Variants in ZNF490 observed in about 807,000 individuals in gnomAD.
The protein encoded by ZNF490 is zinc finger protein 490.
A neutral mutation model predicts 17.7 loss-of-function variants in ZNF490; 11 were observed. The ratio of observed to expected loss-of-function variants is 0.62; its 90% CI spans 0.39 to 1.03. The LOEUF (loss-of-function observed/expected upper bound fraction) is 1.03. ZNF490 is among the 50% of genes least tolerant of loss of function. The pLI is 0.00. For synonymous variants in ZNF490, 222 were observed against 216.1 expected (o/e 1.03, Z -0.24); for missense variants, 542 against 643.4 (o/e 0.84, Z 1.71).
chr19:12,600,620 G>C (rs1211941469), intron 2 of ZNF490, among the ~76,000 whole-genome samples: 1 of 151,964 alleles, frequency 6.6e-6, no homozygotes, highest in Non-Finnish European at 1.5e-5. Context: ...AAATTATTGT[G>C]TGCCACAGAG....
chr19:12,601,957 G>A (rs1270018225), intron 2 of ZNF490, among the ~76,000 whole-genome samples: 2 of 151,348 alleles, frequency 1.3e-5, no homozygotes, highest in Non-Finnish European at 2.9e-5. Context: ...TCGCACCACT[G>A]CACTCCAGCC....
chr19:12,578,250 A>C lies in ZNF490; in HGVS notation c.*2235T>G. 1.0e-6 allele frequency: 1 copy of C among 985,594 alleles called. No individual in the cohort carries two copies. Among genetic ancestry groups the C allele is most frequent in the African/African-American group, 1.7e-5 (1 of 57,372 alleles). The allele number at this position is 985,594 out of a possible 1,614,324, so 61.1% of individuals were successfully genotyped here. A position where few individuals can be genotyped will look rare whatever the true frequency, so the allele number is the denominator to read the frequency against. ...GTAGAATGTGCCAGAAAACAGGGAAAGCAAGTTAGGGGAGGTAAGAATTCT... is the reference window on the plus strand; with the variant it reads ...GTAGAATGTGCCAGAAAACAGGGAACGCAAGTTAGGGGAGGTAAGAATTCT... On this transcript the variant is annotated 3_prime_UTR_variant, in exon 5 of 5. Coordinates refer to ENST00000311437, the MANE Select transcript of ZNF490 (RefSeq NM_020714.3).
At position 12,585,952 on chromosome 19, in the gene ZNF490, A is replaced by C. The variant is rs2145145761; in HGVS notation, c.163-2396T>G. ...GTAATTTGCCTGCCTTGGCCTCCCA[A>C]AATGCTAGGATTACAGGAATGAGTC... On this transcript the variant is annotated intron_variant, in intron 2 of 4. Transcript: ENST00000311437. 2.2e-5 allele frequency among the ~76,000 whole-genome samples: 2 copies of C among 92,628 alleles called. 1 individual carries two copies. The highest frequency in any genetic ancestry group is 5.9e-4 in the South Asian group (2 of 3,410). The allele number at this position is 92,628 out of a possible 152,430, so 60.8% of individuals were successfully genotyped here.
chr19:12,607,736 CAAA>C (rs34773066), intron 2 of ZNF490, among the ~76,000 whole-genome samples: 24 of 137,014 alleles, frequency 1.8e-4, no homozygotes, highest in Non-Finnish European at 1.5e-4. Context: ...ATCCCTGTCT[CAAA>C]AAAAAAAAAA....
intron 2 of ZNF490, among the ~76,000 whole-genome samples, chr19:12,601,464 T>C (rs956287428): frequency 6.6e-6 from 1 of 151,216 alleles, no homozygotes; most frequent in Admixed American, 6.6e-5. Context: ...CAATCATAGC[T>C]CACTGCAGCC....
intron 2 of ZNF490, among the ~76,000 whole-genome samples, chr19:12,599,167 G>GA (rs2022972869): frequency 8.4e-6 from 1 of 119,290 alleles, no homozygotes; most frequent in African/African-American, 3.2e-5. Context: ...AAAAAAGAAA[G>GA]AAAGAAAAGA....
Position 12,578,110 on chromosome 19 carries a change from A to G in ZNF490, c.*2375T>C. ...GTGGGTCCTTTTCCAAGAAGAGCTA[A>G]GTGCTAGTCTTAGCGGGAGGCTAGG... On this transcript the variant is annotated 3_prime_UTR_variant, in exon 5 of 5. Transcript: ENST00000311437. 4.1e-6 allele frequency: 4 copies of G among 985,504 alleles called. No homozygotes were observed. The highest frequency in any genetic ancestry group is 4.8e-6 in the Non-Finnish European group (4 of 829,988). The allele number at this position is 985,504 out of a possible 1,614,324, so 61.0% of individuals were successfully genotyped here. A position where few individuals can be genotyped will look rare whatever the true frequency, so the allele number is the denominator to read the frequency against.
chr19:12,601,101 A>G (rs1256010734), intron 2 of ZNF490, among the ~76,000 whole-genome samples: 1 of 151,842 alleles, frequency 6.6e-6, no homozygotes, highest in African/African-American at 2.4e-5. Context: ...AAAAAGAAAA[A>G]AAAAAGGCCA....
In ZNF490 at chr19:12,581,483, C is replaced by CT; in HGVS notation, c.591dup (p.Glu198ArgfsTer16). The CT allele has an allele frequency of 6.2e-7, 1 of 1,614,206 alleles. No homozygotes were observed. Among genetic ancestry groups the CT allele is most frequent in the Non-Finnish European group, 8.5e-7 (1 of 1,180,040 alleles). The stretch of plus-strand genomic sequence containing the variant: ...CTGCGAGTGAAGGTTTTCCCACATT[C>CT]TTTGCATTTATGTGGCTTCTCTCCA... On this transcript the variant is annotated frameshift_variant, in exon 5 of 5. Coordinates refer to ENST00000311437, the MANE Select transcript of ZNF490 (RefSeq NM_020714.3). LOFTEE classifies it low-confidence loss of function (END_TRUNC).
chr19:12,608,010 G>C (rs2145170156), intron 2 of ZNF490, among the ~76,000 whole-genome samples: 1 of 152,280 alleles, frequency 6.6e-6, no homozygotes, highest in South Asian at 2.1e-4. Context: ...CCAAATCGTG[G>C]TTTTATGTGA....
intron 2 of ZNF490, among the ~76,000 whole-genome samples, chr19:12,599,055 G>C (rs1459374462): frequency 6.9e-6 from 1 of 145,478 alleles, no homozygotes; most frequent in Non-Finnish European, 1.5e-5. Context: ...TGGAGGCTGA[G>C]GCAGGAGAAT....
chr19:12,603,743 A>T (rs1236697838), intron 2 of ZNF490, among the ~76,000 whole-genome samples: 1 of 150,178 alleles, frequency 6.7e-6, no homozygotes, highest in Admixed American at 6.7e-5. Context: ...TTGAGCCAAG[A>T]TTGTGCCACT....
intron 2 of ZNF490, among the ~76,000 whole-genome samples, chr19:12,602,967 C>T (rs1285917896): frequency 6.6e-6 from 1 of 152,036 alleles, no homozygotes; most frequent in Non-Finnish European, 1.5e-5. Flanking sequence ...TTATTCAAAT[C>T]CACAGTGATT....
intron 2 of ZNF490, among the ~76,000 whole-genome samples, chr19:12,605,973 C>T (rs552214305): frequency 7.2e-4 from 110 of 152,040 alleles, no homozygotes; most frequent in Non-Finnish European, 1.4e-3. Context: ...CTCCACCTCC[C>T]GGGTTCAAGC....
chr19:12,589,922 T>G (rs1014961952), intron 2 of ZNF490, among the ~76,000 whole-genome samples: 1 of 151,734 alleles, frequency 6.6e-6, no homozygotes, highest in African/African-American at 2.4e-5. Flanking sequence ...ATTTATTTAT[T>G]TATTTATTTA....
At chr19:12,583,275 T>G (rs12461643) in intron 3 of ZNF490, among the ~76,000 whole-genome samples, 155 bp downstream of exon 3, 87,623 of 151,802 alleles carry the variant, frequency 0.58, 26,675 homozygotes, top group Non-Finnish European at 0.69. Context: ...TCCTGACCTC[T>G]TAATCCGCCC....
intron 2 of ZNF490, 70 bp from the exon 3 acceptor site, chr19:12,583,626 T>C (rs1023311143): frequency 1.4e-6 from 2 of 1,435,490 alleles, no homozygotes; most frequent in Admixed American, 2.1e-5. Context: ...ATTCTCAGAA[T>C]TCCTGAGAAA....
chr19:12,583,731 A>G (rs1346289618), intron 2 of ZNF490, among the ~76,000 whole-genome samples, 175 bp from the exon 3 acceptor site: 3 of 141,662 alleles, frequency 2.1e-5, no homozygotes, highest in East Asian at 4.2e-4. Flanking sequence ...ATTTAACACT[A>G]TCGTGAACAT....
Position 12,578,171 on chromosome 19 carries a change from C to T in ZNF490, c.*2314G>A. The T allele has an allele frequency of 1.0e-6, 1 of 985,348 alleles. No homozygotes were observed. 61.0% of individuals were successfully genotyped at this position (985,348 alleles called of 1,614,324 possible). On this transcript the variant is annotated 3_prime_UTR_variant, in exon 5 of 5. Coordinates refer to ENST00000311437, the MANE Select transcript of ZNF490 (RefSeq NM_020714.3). ...TGGAGCAGGATGCATGTGACATGCA[C>T]TGACGTGAGAAGGCCGGAGCATCAT...
Sources: gnomAD v4.1 joint callset for allele counts (sites outside exome capture counted in the v4.1 genomes callset) on GRCh38, gnomAD v4.1.1 for gene constraint, MANE v1.5 for transcripts, NCBI Gene and HGNC (gene_info 2026-07-23, HGNC 2026-07-21) for gene names.